KSR2: variants seen among roughly 807,000 people sequenced by gnomAD.
The protein encoded by KSR2 is kinase suppressor of ras 2.
A neutral mutation model predicts 107.8 loss-of-function variants in KSR2; 25 were observed. The ratio of observed to expected loss-of-function variants is 0.23; its 90% CI spans 0.17 to 0.32. The LOEUF is 0.32. Among genes scored for constraint, KSR2 ranks in the 10% least tolerant of loss-of-function variants. KSR2 has a pLI of 1.00. For synonymous variants in KSR2, 480 were observed against 507.0 expected (o/e 0.95, Z 0.71); for missense variants, 887 against 1,268.9 (o/e 0.70, Z 4.57).
chr12:117,692,932 G>C lies in KSR2; in HGVS notation c.987-25274C>G, dbSNP rs574413379. Among the ~76,000 whole-genome samples, 4 of 152,310 alleles carry C rather than the reference G, an allele frequency of 2.6e-5. No homozygotes were observed. In the East Asian group the frequency reaches 7.7e-4, roughly 29 times the overall value. ...TGGGAGTAACTGCTTAATGGGTATAGGGCTTCCTTTTGGGATGATGAAAAT... is the reference window on the plus strand; with the variant it reads ...TGGGAGTAACTGCTTAATGGGTATACGGCTTCCTTTTGGGATGATGAAAAT... On this transcript the variant is annotated intron_variant, in intron 4 of 19. Transcript: ENST00000339824.
chr12:117,717,691 G>A (rs1887044417), intron 4 of KSR2, among the ~76,000 whole-genome samples: 1 of 145,754 alleles, frequency 6.9e-6, no homozygotes, highest in Non-Finnish European at 1.6e-5. Flanking sequence ...GTGTGTGTGT[G>A]TGTGTGTGTG....
chr12:117,724,277 C>T (rs1424984928), intron 4 of KSR2, among the ~76,000 whole-genome samples: 1 of 144,832 alleles, frequency 6.9e-6, no homozygotes, highest in Non-Finnish European at 1.5e-5. Context: ...CATTGCACTC[C>T]AGCCTGGACA....
chr12:117,486,654 CTTG>C (rs1252765275), intron 14 of KSR2, among the ~76,000 whole-genome samples: 1 of 152,140 alleles, frequency 6.6e-6, no homozygotes, highest in Non-Finnish European at 1.5e-5. Context: ...TTACTGAGCC[CTTG>C]TTGTGTACTG....
intron 1 of KSR2, among the ~76,000 whole-genome samples, chr12:117,875,396 C>CACCATGG (rs1354283484): frequency 1.3e-5 from 2 of 150,272 alleles, no homozygotes; most frequent in African/African-American, 4.9e-5. Context: ...GAATGCAGGA[C>CACCATGG]ACCATGGGGG....
At chr12:117,801,887 G>A (rs985765038) in intron 3 of KSR2, among the ~76,000 whole-genome samples, 1 of 152,162 alleles carries the variant, frequency 6.6e-6, no homozygotes, top group Middle Eastern at 3.4e-3. Flanking sequence ...GAGGCCCTGG[G>A]GCTGAAGAAT....
chr12:117,657,883 A>G (rs1884253850), intron 5 of KSR2, among the ~76,000 whole-genome samples: 1 of 152,250 alleles, frequency 6.6e-6, no homozygotes, highest in Admixed American at 6.5e-5. Context: ...CTGATATTAG[A>G]GGAATGAGGC....
intron 3 of KSR2, among the ~76,000 whole-genome samples, chr12:117,817,137 A>T (rs1031971973): frequency 6.6e-5 from 10 of 152,124 alleles, no homozygotes; most frequent in Admixed American, 1.3e-4. Flanking sequence ...TTTTCAATCA[A>T]CTTCAACTCT....
chr12:117,843,603 T>G (rs1335303404), intron 3 of KSR2, among the ~76,000 whole-genome samples: 1 of 152,210 alleles, frequency 6.6e-6, no homozygotes, highest in East Asian at 1.9e-4. Context: ...AAGAGTAACA[T>G]GGGTTGAAGG....
rs535989328 is a variant in KSR2 at position 117,960,457 on chromosome 12, G to A, written c.180+7619C>T. On this transcript the variant is annotated intron_variant, in intron 1 of 19. Transcript: ENST00000339824. ...CTGGCGCCTGTCCTCTAGGAACACC[G>A]TTGCTGCCACCATGTAAGAAACCCG... 4.6e-5 allele frequency among the ~76,000 whole-genome samples: 7 copies of A among 152,240 alleles called. No homozygotes were observed. In the South Asian group the frequency reaches 6.2e-4, roughly 14 times the overall value.
intron 11 of KSR2, 28 bp downstream of exon 11, chr12:117,531,638 G>C: frequency 3.1e-6 from 5 of 1,597,922 alleles, no homozygotes; most frequent in Non-Finnish European, 4.3e-6. Context: ...GTTCAGAAGG[G>C]GCTGCTTCCA....
intron 3 of KSR2, among the ~76,000 whole-genome samples, chr12:117,783,695 C>T (rs1889964270): frequency 6.6e-6 from 1 of 152,152 alleles, no homozygotes; most frequent in African/African-American, 2.4e-5. Flanking sequence ...CTTCATCTGT[C>T]AGTTTTGGCC....
At position 117,968,313 on chromosome 12, in the gene KSR2, G is replaced by T; in HGVS notation, c.-58C>A. On this transcript the variant is annotated 5_prime_UTR_variant, in exon 1 of 20. Coordinates refer to ENST00000339824, the MANE Select transcript of KSR2 (RefSeq NM_173598.6). ...CCTCCCAGAGAGAAAAAAGAGGGGGGGGAGTAGAGGTAGTCTACCCTCCGC... is the reference window on the plus strand; with the variant it reads ...CCTCCCAGAGAGAAAAAAGAGGGGGTGGAGTAGAGGTAGTCTACCCTCCGC... 1 of 1,452,834 alleles carries T rather than the reference G, an allele frequency of 6.9e-7. No individual in the cohort carries two copies. The highest frequency in any genetic ancestry group is 1.4e-5 in the South Asian group (1 of 69,148). The allele number at this position is 1,452,834 out of a possible 1,614,324, so 90.0% of individuals were successfully genotyped here.
intron 4 of KSR2, among the ~76,000 whole-genome samples, chr12:117,754,393 T>C (rs1888715315): frequency 6.6e-6 from 1 of 151,996 alleles, no homozygotes; most frequent in Admixed American, 6.6e-5. Context: ...ATCCCAGCAC[T>C]TTGGGAGGCT....
intron 5 of KSR2, among the ~76,000 whole-genome samples, chr12:117,659,795 C>A (rs1312992465): frequency 6.6e-6 from 1 of 152,228 alleles, no homozygotes; most frequent in African/African-American, 2.4e-5. Context: ...AAAATGCAAC[C>A]CGCAAATCTG....
rs753839913 is a variant in KSR2 at position 117,650,689 on chromosome 12, G to A, written c.1171+16785C>T. On this transcript the variant is annotated intron_variant, in intron 5 of 19. Transcript: ENST00000339824. Reference sequence around the variant, plus strand: ...TATGAAAGGCAAGGAGTTTAGTGACGCTATACATAATACCTTTGACCATAT... The same window carrying A: ...TATGAAAGGCAAGGAGTTTAGTGACACTATACATAATACCTTTGACCATAT... Among the ~76,000 whole-genome samples, 8 of 152,144 alleles carry A rather than the reference G, an allele frequency of 5.3e-5. No individual in the cohort carries two copies. In the South Asian group the frequency reaches 6.2e-4, roughly 12 times the overall value.
chr12:117,857,357 G>A (rs935485838), intron 2 of KSR2, among the ~76,000 whole-genome samples: 3 of 152,180 alleles, frequency 2.0e-5, no homozygotes, highest in African/African-American at 7.2e-5. Flanking sequence ...ACTGCACCCA[G>A]TCCAGGATCT....
intron 5 of KSR2, among the ~76,000 whole-genome samples, chr12:117,664,030 CAGAAGCGTCTGACGTCTTTCATTCT>C (rs1884547727): frequency 6.6e-6 from 1 of 152,210 alleles, no homozygotes; most frequent in African/African-American, 2.4e-5. Flanking sequence ...CCATGGTGAA[CAGAAGCGTCTGACGTCTTTCATTCT>C]AGCCCTACCT....
chr12:117,555,668 C>T (rs756046335), intron 8 of KSR2, among the ~76,000 whole-genome samples: 10 of 152,212 alleles, frequency 6.6e-5, no homozygotes, highest in Non-Finnish European at 1.2e-4. Flanking sequence ...AACTTTCTAA[C>T]CTCTGTGTTA....
intron 5 of KSR2, among the ~76,000 whole-genome samples, chr12:117,649,809 G>A (rs541643209): frequency 2.0e-5 from 3 of 152,266 alleles, no homozygotes; most frequent in East Asian, 1.9e-4. Flanking sequence ...AGGGATCACT[G>A]GGGAATACAG....
Sources: allele counts gnomAD v4.1 joint callset (sites outside exome capture counted in the v4.1 genomes callset), GRCh38; gene constraint gnomAD v4.1.1; transcripts MANE v1.5; gene names NCBI Gene and HGNC (gene_info 2026-07-23, HGNC 2026-07-21).